Variants in GPC6 observed in about 807,000 individuals in gnomAD.
GPC6 encodes glypican-6.
A neutral mutation model predicts 55.2 loss-of-function variants in GPC6; 14 were observed. The ratio of observed to expected loss-of-function variants is 0.25; its 90% CI spans 0.17 to 0.40. The LOEUF (loss-of-function observed/expected upper bound fraction) is 0.40. Ranked by LOEUF, GPC6 falls within the 10% of genes least tolerant of loss-of-function variation. The pLI, the probability that GPC6 is intolerant of heterozygous loss-of-function variation, is 1.00. For missense variants in GPC6, 641 were observed against 708.5 expected, an observed-to-expected ratio of 0.90 and a Z score of 1.08; for synonymous variants, 278 against 259.6, an observed-to-expected ratio of 1.07 and a Z score of -0.68.
chr13:93,287,698 A>G (rs191223303), intron 1 of GPC6, among the ~76,000 whole-genome samples: 4 of 152,330 alleles, frequency 2.6e-5, no homozygotes, highest in South Asian at 4.1e-4. Context: ...TTTACTAAAG[A>G]TATTTCCTTT....
intron 3 of GPC6, among the ~76,000 whole-genome samples, chr13:93,871,569 A>G (rs1310622139): frequency 6.6e-6 from 1 of 151,990 alleles, no homozygotes; most frequent in Non-Finnish European, 1.5e-5. Context: ...TATAGAGTAA[A>G]TTTTGATGTC....
intron 4 of GPC6, among the ~76,000 whole-genome samples, chr13:94,236,764 A>ATACT (rs1169988595): frequency 6.6e-6 from 1 of 152,166 alleles, no homozygotes; most frequent in Non-Finnish European, 1.5e-5. Flanking sequence ...TCCTGAGAAC[A>ATACT]TACTACAGGG....
chr13:93,698,798 C>G (rs1882566888), intron 2 of GPC6, among the ~76,000 whole-genome samples: 1 of 151,880 alleles, frequency 6.6e-6, no homozygotes, highest in Non-Finnish European at 1.5e-5. Flanking sequence ...TCCCTCTTTT[C>G]CCTCTCTCCT....
At chr13:94,185,921 T>G (rs142791648) in intron 4 of GPC6, among the ~76,000 whole-genome samples, 6,711 of 151,864 alleles carry the variant, frequency 0.044, 362 homozygotes, top group African/African-American at 0.12. Flanking sequence ...TTAGCCGGGC[T>G]TGGTGGCAGG....
chr13:94,079,006 G>A (rs117216832), intron 4 of GPC6, among the ~76,000 whole-genome samples: 2 of 151,864 alleles, frequency 1.3e-5, no homozygotes, highest in Non-Finnish European at 2.9e-5. Context: ...TCTGTTATCT[G>A]CAAATTCAAC....
chr13:94,134,520 T>G, intron 4 of GPC6, among the ~76,000 whole-genome samples: 1 of 152,252 alleles, frequency 6.6e-6, no homozygotes, highest in Non-Finnish European at 1.5e-5. Flanking sequence ...TTTAGAACAC[T>G]TTATGCTCAT....
At chr13:93,434,226 C>T (rs1051496691) in intron 1 of GPC6, among the ~76,000 whole-genome samples, 5 of 152,096 alleles carry the variant, frequency 3.3e-5, no homozygotes, top group African/African-American at 1.2e-4. Flanking sequence ...CAGAACAGAT[C>T]AATAGAAATG....
chr13:93,568,169 A>G (rs73541531), intron 2 of GPC6, among the ~76,000 whole-genome samples: 5,569 of 152,308 alleles, frequency 0.037, 356 homozygotes, highest in African/African-American at 0.13. Flanking sequence ...TACTCCCTCC[A>G]AAGATGTACT....
At chr13:93,350,206 G>T (rs1206684305) in intron 1 of GPC6, among the ~76,000 whole-genome samples, 1 of 152,110 alleles carries the variant, frequency 6.6e-6, no homozygotes. Flanking sequence ...AGGCTAAGGC[G>T]GGTGGATCAC....
intron 6 of GPC6, among the ~76,000 whole-genome samples, chr13:94,321,688 G>A (rs1367378500): frequency 6.6e-6 from 1 of 152,204 alleles, no homozygotes; most frequent in Non-Finnish European, 1.5e-5. Context: ...ATTGGGCCAT[G>A]TGGTAGTTGG....
intron 1 of GPC6, among the ~76,000 whole-genome samples, chr13:93,527,147 G>A (rs1881681244): frequency 6.6e-6 from 1 of 151,804 alleles, no homozygotes; most frequent in Admixed American, 6.6e-5. Flanking sequence ...AATGATTACT[G>A]CAGTCAAGCA....
intron 3 of GPC6, among the ~76,000 whole-genome samples, chr13:93,986,833 A>G (rs1295905565): frequency 6.6e-6 from 1 of 152,168 alleles, no homozygotes; most frequent in Non-Finnish European, 1.5e-5. Context: ...TTTACATGCT[A>G]TTTTGCAAGT....
chr13:93,568,524 A>C (rs1426515590), intron 2 of GPC6, among the ~76,000 whole-genome samples: 1 of 152,182 alleles, frequency 6.6e-6, no homozygotes, highest in Non-Finnish European at 1.5e-5. Context: ...ACTGTTCTAT[A>C]CACATACCAT....
intron 1 of GPC6, among the ~76,000 whole-genome samples, chr13:93,517,345 C>G (rs999527719): frequency 6.6e-6 from 1 of 152,020 alleles, no homozygotes; most frequent in African/African-American, 2.4e-5. Flanking sequence ...CCTTTTCAGG[C>G]AACCAGATAA....
rs150807416 is a variant in GPC6 at position 93,900,901 on chromosome 13, G to A, written c.711+70356G>A. On this transcript the variant is annotated intron_variant, in intron 3 of 8. Transcript: ENST00000377047. ...GGAGAAATTGTAAATATTATTTTAA[G>A]GGAAGAAAGTTCCGTATGACACAGT... 3.9e-4 allele frequency among the ~76,000 whole-genome samples: 59 copies of A among 152,238 alleles called. 1 individual carries two copies. The highest frequency in any genetic ancestry group is 1.3e-3 in the African/African-American group (55 of 41,540).
intron 2 of GPC6, among the ~76,000 whole-genome samples, chr13:93,644,264 AT>A (rs1880081325): frequency 6.6e-6 from 1 of 152,082 alleles, no homozygotes; most frequent in Admixed American, 6.6e-5. Context: ...AAAATGCTAA[AT>A]AAGGTCATTC....
chr13:94,323,674 C>T (rs1203162919), intron 6 of GPC6, among the ~76,000 whole-genome samples: 2 of 152,062 alleles, frequency 1.3e-5, no homozygotes, highest in African/African-American at 4.8e-5. Context: ...ACACTGAAAA[C>T]CCAGATTTCA....
intron 2 of GPC6, among the ~76,000 whole-genome samples, chr13:93,546,872 A>G (rs1481259231): frequency 6.6e-6 from 1 of 152,242 alleles, no homozygotes; most frequent in Non-Finnish European, 1.5e-5. Context: ...GAAAGAAACA[A>G]GAAAGAAGCT....
chr13:93,411,987 A>G (rs1408306645), intron 1 of GPC6, among the ~76,000 whole-genome samples: 1 of 150,316 alleles, frequency 6.7e-6, no homozygotes, highest in East Asian at 2.1e-4. Flanking sequence ...TGGGCAACAG[A>G]GAGGGACTAT....
Sources: allele counts gnomAD v4.1 joint callset (sites outside exome capture counted in the v4.1 genomes callset), GRCh38; gene constraint gnomAD v4.1.1; transcripts MANE v1.5; gene names NCBI Gene and HGNC (gene_info 2026-07-23, HGNC 2026-07-21).